CFAP65: variants seen among roughly 807,000 people sequenced by gnomAD.
CFAP65 encodes the protein cilia and flagella associated protein 65, also known as cilia- and flagella-associated protein 65.
A neutral mutation model predicts 208.0 loss-of-function variants in CFAP65; 155 were observed. That is an observed-to-expected ratio of 0.75 (90% confidence interval 0.65 to 0.85). CFAP65 has a LOEUF of 0.85. CFAP65 is among the 40% of genes least tolerant of loss of function. CFAP65 has a pLI of 0.00. For synonymous variants in CFAP65, 970 were observed against 986.3 expected, an observed-to-expected ratio of 0.98 and a Z score of 0.31; for missense variants, 2,294 against 2,451.3, an observed-to-expected ratio of 0.94 and a Z score of 1.36.
chr2:219,024,362 G>T lies in CFAP65; in HGVS notation c.2350-102C>A, dbSNP rs574883916. 1.7e-5 allele frequency: 24 copies of T among 1,418,024 alleles called. No individual in the cohort carries two copies. In the African/African-American group the frequency reaches 3.3e-4, roughly 20 times the overall value. The allele number at this position is 1,418,024 out of a possible 1,614,324, so 87.8% of individuals were successfully genotyped here. A position where few individuals can be genotyped will look rare whatever the true frequency, so the allele number is the denominator to read the frequency against. On this transcript the variant is annotated intron_variant, in intron 14 of 34. Transcript: ENST00000341552. ...GCTTGGGAGGAGCTGTCTCCAAGTA[G>T]ATCAGAGGTGCTGCCCTGCAGCCCA... is the stretch of plus-strand genomic sequence containing the variant.
Position 219,013,389 on chromosome 2 carries a change from C to T in CFAP65, c.3847-20G>A, listed in dbSNP as rs765645683. ...ATTTAGCTGGAAATAAAAGTTCCCC[C>T]GGAGGAACTGACACAGCCAGTGGAG... On this transcript the variant is annotated intron_variant, in intron 23 of 34. Transcript: ENST00000341552. 74 of 1,589,034 alleles carry T rather than the reference C, an allele frequency of 4.7e-5. No individual in the cohort carries two copies. The Middle Eastern group carries it at 9.9e-4, about 21-fold the overall frequency.
Position 219,023,430 on chromosome 2 carries a change from T to G in CFAP65, c.2597A>C (p.Glu866Ala), listed in dbSNP as rs1388743442. Residue 866 changes from glutamate to alanine, a missense_variant and splice_region_variant, in exon 16 of 35, where the codon GAG becomes GCG. Coordinates refer to ENST00000341552, the MANE Select transcript of CFAP65 (RefSeq NM_194302.4). ...CTCCTCCCGGCTGTACATGCTCACC[T>G]CCTGGAGCCAGAGGAAGAAGGGCAG... is the stretch of plus-strand genomic sequence containing the variant. The part of the protein sequence containing the change: ...QCNASPQYLK[E>A]VSMYSREEPL... The G allele has an allele frequency of 6.4e-7, 1 of 1,564,182 alleles. No homozygotes were observed. The highest frequency in any genetic ancestry group is 1.9e-5 in the Admixed American group (1 of 51,320).
At position 219,010,542 on chromosome 2, in the gene CFAP65, C is replaced by T. The variant is rs539104003; in HGVS notation, c.4308+4G>A. ...TCAGGCCTTCCTAGCTCCCCTTTCCCCACCTGTCCAGGCACCACCAGCCTA... is the reference window on the plus strand; with the variant it reads ...TCAGGCCTTCCTAGCTCCCCTTTCCTCACCTGTCCAGGCACCACCAGCCTA... On this transcript the variant is annotated splice_donor_region_variant and intron_variant, in intron 26 of 34. Transcript: ENST00000341552. The T allele has an allele frequency of 4.4e-6, 7 of 1,607,174 alleles. No homozygotes were observed. In the South Asian group the frequency reaches 6.7e-5, roughly 15 times the overall value.
rs553681324 is a variant in CFAP65, at chr2:219,027,187, C to T, written c.2211+463G>A. 35 of 1,240,070 alleles carry T rather than the reference C, an allele frequency of 2.8e-5. No individual in the cohort carries two copies. The South Asian group carries it at 6.4e-4, about 23-fold the overall frequency. 76.8% of individuals were successfully genotyped at this position (1,240,070 alleles called of 1,614,324 possible). On this transcript the variant is annotated intron_variant, in intron 13 of 34. Coordinates refer to ENST00000341552, the MANE Select transcript of CFAP65 (RefSeq NM_194302.4). Reference sequence around the variant, plus strand: ...AGCAGGGCTGGGGACAGCCGGCACTCGGAGTTCCCGACCCAGGGAAGCTGA... The same window carrying T: ...AGCAGGGCTGGGGACAGCCGGCACTTGGAGTTCCCGACCCAGGGAAGCTGA...
At chr2:219,017,971 G>A (rs768759424) in intron 21 of CFAP65, among the ~76,000 whole-genome samples, 9 of 152,174 alleles carry the variant, frequency 5.9e-5, no homozygotes, top group Non-Finnish European at 1.2e-4. Context: ...GCCCCCTAAA[G>A]AGCCAGTTTC....
Position 219,031,782 on chromosome 2 carries a change from T to C in CFAP65, c.646-124A>G. ...GGAGGGCCAGGCCGTGGCACCCACG[T>C]CAGACTCTGAGGGGAGCTGGGCACC... On this transcript the variant is annotated intron_variant, in intron 6 of 34. Transcript: ENST00000341552. The surrounding 1 kb of genome is among the most constrained non-coding windows in gnomAD (Gnocchi z 5.2). The C allele has an allele frequency of 1.7e-6, 2 of 1,164,538 alleles. No homozygotes were observed. The highest frequency in any genetic ancestry group is 2.4e-6 in the Non-Finnish European group (2 of 828,808). 72.1% of individuals were successfully genotyped at this position (1,164,538 alleles called of 1,614,324 possible).
chr2:219,041,430 G>A, intron 1 of CFAP65, 58 bp downstream of exon 1: 1 of 1,538,452 alleles, frequency 6.5e-7, no homozygotes, highest in South Asian at 1.2e-5. Flanking sequence ...TACCTTCCCT[G>A]GCCACTCGCG....
At position 219,029,625 on chromosome 2, in the gene CFAP65, C is replaced by T; in HGVS notation, c.1428G>A (p.Trp476Ter). The T allele has an allele frequency of 1.2e-6, 2 of 1,614,040 alleles. No individual in the cohort carries two copies. The highest frequency in any genetic ancestry group is 1.7e-6 in the Non-Finnish European group (2 of 1,179,990). ...GCTCGGAGCGCTCCCCAAGGTTGAC[C>T]CAGCTGAAGTTGACACAGTAGTGCT... The part of the protein sequence containing the change: ...SLQHYCVNFS[W>*]VNLGERSEQP... The change falls in exon 11 of 35, where the codon TGG becomes TGA. Residue 476 changes from tryptophan to a stop codon, truncating the protein, a stop_gained. Coordinates refer to ENST00000341552, the MANE Select transcript of CFAP65 (RefSeq NM_194302.4). LOFTEE classifies it high-confidence loss of function.
rs1209147006 is a variant in CFAP65, at chr2:219,029,637, G to C, written c.1416C>G (p.Val472=). The C allele has an allele frequency of 6.2e-7, 1 of 1,614,012 alleles. No individual in the cohort carries two copies. Among genetic ancestry groups the C allele is most frequent in the Non-Finnish European group, 8.5e-7 (1 of 1,180,022 alleles). The change falls in exon 11 of 35, where the codon GTC becomes GTG. Residue 472 remains valine, a synonymous_variant. Coordinates refer to ENST00000341552, the MANE Select transcript of CFAP65 (RefSeq NM_194302.4). ...CCCCAAGGTTGACCCAGCTGAAGTT[G>C]ACACAGTAGTGCTGCAGGGACACAG... ...GPAVSLQHYC[V]NFSWVNLGER... is the part of the protein sequence containing the mutation.
chr2:219,036,645 T>A (rs1358917022), intron 4 of CFAP65, among the ~76,000 whole-genome samples: 1 of 152,150 alleles, frequency 6.6e-6, no homozygotes, highest in East Asian at 1.9e-4. Flanking sequence ...GGTTTCACCA[T>A]GTTGGTCAGG....
chr2:219,004,481 C>A lies in CFAP65; in HGVS notation c.5052-26G>T, dbSNP rs753143685. 1.9e-6 allele frequency: 3 copies of A among 1,577,526 alleles called. No homozygotes were observed. The highest frequency in any genetic ancestry group is 1.2e-5 in the South Asian group (1 of 83,248). ...CTAGGTGGCAGGGAGAAGGAGAAGGCCCTTGCTGAGGGGCCCTGAAGCCCC... is the reference window on the plus strand; with the variant it reads ...CTAGGTGGCAGGGAGAAGGAGAAGGACCTTGCTGAGGGGCCCTGAAGCCCC... On this transcript the variant is annotated intron_variant, in intron 32 of 34. Coordinates refer to ENST00000341552, the MANE Select transcript of CFAP65 (RefSeq NM_194302.4). The surrounding 1 kb of genome is among the most constrained non-coding windows in gnomAD (Gnocchi z 4.7).
chr2:219,009,206 G>T, intron 28 of CFAP65, 52 bp from the exon 29 acceptor site: 2 of 1,555,822 alleles, frequency 1.3e-6, no homozygotes, highest in Non-Finnish European at 1.8e-6. Context: ...CTTGCCCGGG[G>T]CCTATGCTGT....
chr2:219,004,919 CTCTT>C lies in CFAP65; in HGVS notation c.5052-468_5052-465del, dbSNP rs1257400742. 6.7e-6 allele frequency among the ~76,000 whole-genome samples: 1 copy of C among 150,150 alleles called. No individual in the cohort carries two copies. The highest frequency in any genetic ancestry group is 1.5e-5 in the Non-Finnish European group (1 of 67,798). Reference sequence around the variant, plus strand: ...TCTCTATTTCTCTCTTTCTTTCTCTCTCTTTCTCTCCTCTTTTTTCTTTCTTTCT... The same window carrying C: ...TCTCTATTTCTCTCTTTCTTTCTCTCTCTCTCCTCTTTTTTCTTTCTTTCT... On this transcript the variant is annotated intron_variant, in intron 32 of 34. Coordinates refer to ENST00000341552, the MANE Select transcript of CFAP65 (RefSeq NM_194302.4). This position sits in a 1 kb window ranked among gnomAD's most constrained non-coding sequence, Gnocchi z 4.7.
intron 15 of CFAP65, among the ~76,000 whole-genome samples, 162 bp downstream of exon 15, chr2:219,023,853 C>T (rs542696344): frequency 2.2e-4 from 34 of 152,268 alleles, no homozygotes; most frequent in Non-Finnish European, 4.4e-4. Context: ...GAGTTGTTCA[C>T]AGAAGTGGTC....
Position 219,004,530 on chromosome 2 carries a change from A to T in CFAP65, c.5052-75T>A. ...CCTGGGGAGCCCTGGCTTCAGAGCT[A>T]GGTTCTAGGTGGGAAAGGGGCTGCT... is the stretch of plus-strand genomic sequence containing the variant. On this transcript the variant is annotated intron_variant, in intron 32 of 34. Coordinates refer to ENST00000341552, the MANE Select transcript of CFAP65 (RefSeq NM_194302.4). This position sits in a 1 kb window ranked among gnomAD's most constrained non-coding sequence, Gnocchi z 4.7. The T allele has an allele frequency of 6.7e-7, 1 of 1,496,524 alleles. No homozygotes were observed. Among genetic ancestry groups the T allele is most frequent in the Non-Finnish European group, 9.0e-7 (1 of 1,115,964 alleles). 92.7% of individuals were successfully genotyped at this position (1,496,524 alleles called of 1,614,324 possible). A position where few individuals can be genotyped will look rare whatever the true frequency, so the allele number is the denominator to read the frequency against.
At chr2:219,036,985 C>T (rs528671505) in intron 4 of CFAP65, among the ~76,000 whole-genome samples, 2 of 152,180 alleles carry the variant, frequency 1.3e-5, no homozygotes, top group East Asian at 1.9e-4. Flanking sequence ...TCCTGAGTCA[C>T]CTATGGAAGA....
chr2:219,018,810 G>T, intron 21 of CFAP65: 1 of 558,062 alleles, frequency 1.8e-6, no homozygotes, highest in African/African-American at 1.9e-5. Context: ...ACTATGCCCA[G>T]GCTCCATCAG....
chr2:219,038,728 G>A, intron 3 of CFAP65, 150 bp from the exon 4 acceptor site: 1 of 1,087,542 alleles, frequency 9.2e-7, no homozygotes, highest in Non-Finnish European at 1.4e-6. Flanking sequence ...GAGGAATGAG[G>A]CTGTACACGA....
rs1947719911 is a variant in CFAP65 at position 219,027,646 on chromosome 2, A to G, written c.2211+4T>C. On this transcript the variant is annotated splice_donor_region_variant and intron_variant, in intron 13 of 34. Coordinates refer to ENST00000341552, the MANE Select transcript of CFAP65 (RefSeq NM_194302.4). ...CATTCCTCCCTCTCATTGCGTGCAC[A>G]CACCTTATAGATGGCGAAGGCTTCG... is the stretch of plus-strand genomic sequence containing the variant. 6.2e-7 allele frequency: 1 copy of G among 1,613,712 alleles called. No individual in the cohort carries two copies. The highest frequency in any genetic ancestry group is 2.2e-5 in the East Asian group (1 of 44,882).
Sources: gnomAD v4.1 joint callset for allele counts (sites outside exome capture counted in the v4.1 genomes callset) on GRCh38, gnomAD v4.1.1 for gene constraint, Gnocchi (gnomAD v3.1) non-coding constraint, MANE v1.5 for transcripts, NCBI Gene and HGNC (gene_info 2026-07-23, HGNC 2026-07-21) for gene names.